The following TMEM26 variants were observed in gnomAD, a reference collection of about 807,000 sequenced individuals.
TMEM26 encodes the protein transmembrane protein 26.
TMEM26 carries 38 observed loss-of-function variants against 28.8 expected under a neutral mutation model. The observed-to-expected ratio is 1.32, with a 90% CI of 1.02 to 1.73. TMEM26 has a LOEUF of 1.73. Ranked by LOEUF, TMEM26 falls within the 40% of genes most tolerant of loss-of-function variation. The pLI, the probability that TMEM26 is intolerant of heterozygous loss-of-function variation, is 0.00. For synonymous variants in TMEM26, 227 were observed against 182.9 expected (o/e 1.24, Z -1.95); for missense variants, 518 against 447.1 (o/e 1.16, Z -1.43).
intron 1 of TMEM26, among the ~76,000 whole-genome samples, chr10:61,448,767 G>A (rs979103841): frequency 6.6e-6 from 1 of 152,102 alleles, no homozygotes; most frequent in Non-Finnish European, 1.5e-5. Flanking sequence ...CCAAATAGGT[G>A]AGTTATTATT....
At chr10:61,448,589 A>T (rs1429680209) in intron 1 of TMEM26, among the ~76,000 whole-genome samples, 2 of 150,752 alleles carry the variant, frequency 1.3e-5, no homozygotes, top group Non-Finnish European at 3.0e-5. Flanking sequence ...ACCTTTTAAA[A>T]TGTCGACCGT....
chr10:61,408,901 A>C lies in TMEM26; in HGVS notation c.*1421T>G, dbSNP rs1384309708. The C allele has an allele frequency of 1.3e-5, 2 of 152,190 alleles. No individual in the cohort carries two copies. The highest frequency in any genetic ancestry group is 2.9e-5 in the Non-Finnish European group (2 of 68,028). 9.4% of individuals were successfully genotyped at this position (152,190 alleles called of 1,614,324 possible). A position where few individuals can be genotyped will look rare whatever the true frequency, so the allele number is the denominator to read the frequency against. ...ATAAAAGTTTGTATAAAATGTTTCG[A>C]ATAGGTATCATGTCACCCAGAGAGT... On this transcript the variant is annotated 3_prime_UTR_variant, in exon 6 of 6. Coordinates refer to ENST00000399298, the MANE Select transcript of TMEM26 (RefSeq NM_178505.8).
chr10:61,443,175 C>T (rs1220503790), intron 1 of TMEM26, among the ~76,000 whole-genome samples: 8 of 151,738 alleles, frequency 5.3e-5, no homozygotes, highest in Admixed American at 3.3e-4. Context: ...AGATCAGGCC[C>T]GGTGCAGTGT....
At chr10:61,441,084 T>G (rs1194068685) in intron 1 of TMEM26, among the ~76,000 whole-genome samples, 1 of 151,970 alleles carries the variant, frequency 6.6e-6, no homozygotes. Flanking sequence ...TTTTATTGTG[T>G]TTTTTTTCCC....
chr10:61,452,332 G>T (rs893397506), intron 1 of TMEM26, among the ~76,000 whole-genome samples: 5 of 152,220 alleles, frequency 3.3e-5, no homozygotes, highest in Non-Finnish European at 7.3e-5. Flanking sequence ...TGAAGCTGGC[G>T]CTGTGCTAGA....
intron 4 of TMEM26, chr10:61,416,010 T>C (rs1839645995): frequency 2.5e-6 from 1 of 405,544 alleles, no homozygotes; most frequent in African/African-American, 2.1e-5. Flanking sequence ...CCTGTGAGAA[T>C]TCAAATTTCA....
Position 61,413,545 on chromosome 10 carries a change from A to G in TMEM26, c.606-10T>C. The G allele has an allele frequency of 6.3e-7, 1 of 1,585,254 alleles. No homozygotes were observed. Among genetic ancestry groups the G allele is most frequent in the Non-Finnish European group, 8.6e-7 (1 of 1,169,420 alleles). ...TAGTGCAGGACTATTCCTAGAATAC[A>G]GACAAAATGTTAAATTTGTAATAAA... On this transcript the variant is annotated splice_polypyrimidine_tract_variant and intron_variant, in intron 4 of 5. Coordinates refer to ENST00000399298, the MANE Select transcript of TMEM26 (RefSeq NM_178505.8).
At position 61,434,518 on chromosome 10, in the gene TMEM26, T is replaced by A. The variant is rs141171298; in HGVS notation, c.270+1652A>T. 6.6e-5 allele frequency among the ~76,000 whole-genome samples: 10 copies of A among 152,334 alleles called. No individual in the cohort carries two copies. The East Asian group carries it at 1.9e-3, about 29-fold the overall frequency. On this transcript the variant is annotated intron_variant, in intron 2 of 5. Coordinates refer to ENST00000399298, the MANE Select transcript of TMEM26 (RefSeq NM_178505.8). Reference sequence around the variant, plus strand: ...TTGATTCAAATCACTAGAGCTTATATTCATACCCTTGAAAGTAGTAAATAG... The same window carrying A: ...TTGATTCAAATCACTAGAGCTTATAATCATACCCTTGAAAGTAGTAAATAG...
chr10:61,431,619 G>A (rs1348483314), intron 2 of TMEM26, among the ~76,000 whole-genome samples: 2 of 152,080 alleles, frequency 1.3e-5, no homozygotes, highest in Admixed American at 6.6e-5. Context: ...ATTGGTAACT[G>A]AGATTCCTTT....
chr10:61,445,093 G>A (rs1022495309), intron 1 of TMEM26, among the ~76,000 whole-genome samples: 1 of 152,140 alleles, frequency 6.6e-6, no homozygotes, highest in Non-Finnish European at 1.5e-5. Flanking sequence ...TAATGTATAG[G>A]GTCATTGTAA....
At chr10:61,416,381 G>T (rs983326761) in intron 4 of TMEM26, among the ~76,000 whole-genome samples, 22 of 151,998 alleles carry the variant, frequency 1.4e-4, no homozygotes, top group African/African-American at 4.6e-4. Context: ...AGATTGATCA[G>T]TTATTAGTCA....
Position 61,409,566 on chromosome 10 carries a change from C to T in TMEM26, c.*756G>A, listed in dbSNP as rs908243829. ...TTCAGAAAAATACTGATGAACACTG[C>T]AAATCATGTTCAGAGTAGAAATTGT... On this transcript the variant is annotated 3_prime_UTR_variant, in exon 6 of 6. Transcript: ENST00000399298. The T allele has an allele frequency of 6.6e-6, 1 of 152,152 alleles. No individual in the cohort carries two copies. Among genetic ancestry groups the T allele is most frequent in the Non-Finnish European group, 1.5e-5 (1 of 68,058 alleles). The allele number at this position is 152,152 out of a possible 1,614,324, so 9.4% of individuals were successfully genotyped here. A position where few individuals can be genotyped will look rare whatever the true frequency, so the allele number is the denominator to read the frequency against.
intron 2 of TMEM26, among the ~76,000 whole-genome samples, chr10:61,434,164 T>C (rs902383960): frequency 1.3e-5 from 2 of 152,196 alleles, no homozygotes; most frequent in African/African-American, 2.4e-5. Context: ...CTCTTACTAT[T>C]TTTCTACTTT....
chr10:61,427,436 G>C (rs1328411399), intron 4 of TMEM26, among the ~76,000 whole-genome samples: 1 of 152,042 alleles, frequency 6.6e-6, no homozygotes, highest in Non-Finnish European at 1.5e-5. Flanking sequence ...TAGTGGGTGA[G>C]TGAAAAAATG....
At chr10:61,426,061 A>G (rs866982138) in intron 4 of TMEM26, among the ~76,000 whole-genome samples, 40 of 152,168 alleles carry the variant, frequency 2.6e-4, no homozygotes, top group African/African-American at 9.2e-4. Context: ...TACTGAATGG[A>G]TAAACAAAAT....
At chr10:61,441,742 C>T (rs148980060) in intron 1 of TMEM26, among the ~76,000 whole-genome samples, 12 of 152,252 alleles carry the variant, frequency 7.9e-5, no homozygotes, top group African/African-American at 2.9e-4. Flanking sequence ...GGACAATACC[C>T]TATTACCAGT....
At position 61,410,434 on chromosome 10, in the gene TMEM26, G is replaced by A. The variant is rs1381462523; in HGVS notation, c.995C>T (p.Thr332Ile). Reference sequence around the variant, plus strand: ...CCGCTGAGAGGGCCCACTCTCAGAGGTCTGTGCCCGGCAACCATGTTCTCC... The same window carrying A: ...CCGCTGAGAGGGCCCACTCTCAGAGATCTGTGCCCGGCAACCATGTTCTCC... ...LKGEHGCRAQTSESGPSQRDW... is the reference protein window; with the variant it reads ...LKGEHGCRAQISESGPSQRDW... The change falls in exon 6 of 6, where the codon ACC (threonine) becomes ATC (isoleucine). Residue 332 changes from threonine (T) to isoleucine (I), a missense_variant. By Grantham distance (89) the Thr-to-Ile change is moderately conservative (BLOSUM62 -1). Transcript: ENST00000399298. The A allele has an allele frequency of 3.7e-6, 6 of 1,613,992 alleles. No homozygotes were observed. Among genetic ancestry groups the A allele is most frequent in the South Asian group, 1.1e-5 (1 of 91,076 alleles).
intron 1 of TMEM26, among the ~76,000 whole-genome samples, chr10:61,442,451 T>G (rs1200358765): frequency 6.6e-6 from 1 of 152,192 alleles, no homozygotes; most frequent in Non-Finnish European, 1.5e-5. Context: ...TCTGTCTGTC[T>G]TCTGATCATA....
At chr10:61,416,246 T>C in intron 4 of TMEM26, 2 of 371,852 alleles carry the variant, frequency 5.4e-6, no homozygotes, top group Non-Finnish European at 1.0e-5. Flanking sequence ...CCAAAAACTA[T>C]GTGCAATTTG....
Sources: allele counts gnomAD v4.1 joint callset (sites outside exome capture counted in the v4.1 genomes callset), GRCh38; gene constraint gnomAD v4.1.1; transcripts MANE v1.5; gene names NCBI Gene and HGNC (gene_info 2026-07-23, HGNC 2026-07-21).